The following CACNA1A variants were observed in gnomAD, a reference collection of about 807,000 sequenced individuals.
CACNA1A encodes the protein voltage-dependent P/Q-type calcium channel subunit alpha-1A.
In CACNA1A, 57 loss-of-function variants were observed where a neutral mutation model predicts 262.4. The ratio of observed to expected loss-of-function variants is 0.22; its 90% CI spans 0.18 to 0.27. The LOEUF is 0.27. CACNA1A is among the 10% of genes least tolerant of loss of function. The pLI, the probability that CACNA1A is intolerant of heterozygous loss-of-function variation, is 1.00. For missense variants in CACNA1A, 2,526 were observed against 3,562.8 expected, an observed-to-expected ratio of 0.71 and a Z score of 7.41; for synonymous variants, 1,431 against 1,419.3, an observed-to-expected ratio of 1.01 and a Z score of -0.18.
chr19:13,302,799 ACTCT>A (rs1007040670), intron 17 of CACNA1A, among the ~76,000 whole-genome samples: 1 of 151,390 alleles, frequency 6.6e-6, no homozygotes, highest in Non-Finnish European at 1.5e-5. Flanking sequence ...GGGCCGGGAA[ACTCT>A]CTCTCCCTCC....
rs34228712 is a variant in CACNA1A, at chr19:13,439,406, CTTT to C, written c.539+13467_539+13469del. Among the ~76,000 whole-genome samples, 5 of 127,360 alleles carry C rather than the reference CTTT, an allele frequency of 3.9e-5. No homozygotes were observed. The East Asian group carries it at 6.8e-4, about 17-fold the overall frequency. 83.6% of individuals were successfully genotyped at this position (127,360 alleles called of 152,430 possible). The stretch of plus-strand genomic sequence containing the variant: ...TCTGGGTTCTGGGTTCTTCTTTTTT[CTTT>C]TTTTTTTTTTGACGGAGTCTCGTTC... On this transcript the variant is annotated intron_variant, in intron 3 of 46. Coordinates refer to ENST00000360228, the MANE Select transcript of CACNA1A (RefSeq NM_001127222.2).
intron 24 of CACNA1A, among the ~76,000 whole-genome samples, chr19:13,264,552 C>T (rs2056816951): frequency 6.6e-6 from 1 of 152,220 alleles, no homozygotes; most frequent in Non-Finnish European, 1.5e-5. Flanking sequence ...TTACCTTCAC[C>T]TTTGCATTCC....
intron 36 of CACNA1A, chr19:13,228,521 C>T (rs1161011328): frequency 4.7e-6 from 1 of 214,854 alleles, no homozygotes; most frequent in East Asian, 1.1e-4. Context: ...ATCGAGTCTA[C>T]ATGACTGCAT....
At position 13,381,694 on chromosome 19, in the gene CACNA1A, C is replaced by T. The variant is rs776472562; in HGVS notation, c.540-9915G>A. ...CGCTCTCCCCCTCACTCACTCTGTTCCAGCCACACCAATTCATCCGTGTTC... is the reference window on the plus strand; with the variant it reads ...CGCTCTCCCCCTCACTCACTCTGTTTCAGCCACACCAATTCATCCGTGTTC... On this transcript the variant is annotated intron_variant, in intron 3 of 46. Transcript: ENST00000360228. 2.0e-5 allele frequency among the ~76,000 whole-genome samples: 3 copies of T among 152,204 alleles called. No homozygotes were observed. In the South Asian group the frequency reaches 6.2e-4, roughly 32 times the overall value.
At chr19:13,276,202 C>T (rs577369038) in intron 23 of CACNA1A, among the ~76,000 whole-genome samples, 100 of 152,344 alleles carry the variant, frequency 6.6e-4, no homozygotes, top group African/African-American at 2.2e-3. Context: ...CTTTGGGATC[C>T]TCTTTGATGC....
intron 1 of CACNA1A, among the ~76,000 whole-genome samples, chr19:13,477,640 G>A (rs1263748907): frequency 6.6e-6 from 1 of 152,138 alleles, no homozygotes; most frequent in Non-Finnish European, 1.5e-5. Context: ...GTGTTCTAAG[G>A]GCTGGGGATG....
intron 3 of CACNA1A, among the ~76,000 whole-genome samples, chr19:13,448,658 A>G (rs973715828): frequency 1.3e-5 from 2 of 152,218 alleles, no homozygotes; most frequent in African/African-American, 2.4e-5. Context: ...GGGGCTGAGG[A>G]TGCACACAGT....
At chr19:13,490,612 AGAAAAGAAAG>A (rs1179500991) in intron 1 of CACNA1A, among the ~76,000 whole-genome samples, 1 of 151,650 alleles carries the variant, frequency 6.6e-6, no homozygotes, top group Non-Finnish European at 1.5e-5. Flanking sequence ...AAAAAACAAA[AGAAAAGAAAG>A]GAAAAGAAAA....
intron 1 of CACNA1A, among the ~76,000 whole-genome samples, chr19:13,496,075 T>G (rs934132644): frequency 6.7e-6 from 1 of 148,194 alleles, no homozygotes; most frequent in African/African-American, 2.6e-5. Context: ...CATCCATCCA[T>G]CCATCCATCC....
At chr19:13,460,952 A>G (rs2061110654) in intron 1 of CACNA1A, among the ~76,000 whole-genome samples, 1 of 151,476 alleles carries the variant, frequency 6.6e-6, no homozygotes, top group Non-Finnish European at 1.5e-5. Context: ...GAGACTGCAC[A>G]CTCTATGCAC....
chr19:13,245,253 C>T lies in CACNA1A; in HGVS notation c.4879G>A (p.Asp1627Asn), dbSNP rs573209959. The T allele has an allele frequency of 9.9e-6, 16 of 1,613,770 alleles. No homozygotes were observed. Among genetic ancestry groups the T allele is most frequent in the Non-Finnish European group, 1.4e-5 (16 of 1,179,694 alleles). The part of the protein sequence containing the change: ...MAFGILNYFR[D>N]AWNIFDFVTV... ...ACAAAGTCGAAGATGTTCCAGGCAT[C>T]GCGGAAATAATTCTAGAATGGGGAC... is the stretch of plus-strand genomic sequence containing the variant. The change falls in exon 31 of 47, where the codon GAT becomes AAT. Residue 1627 changes from aspartate (D) to asparagine (N), a missense_variant. Around this residue, in one of 17 missense-constraint regions of CACNA1A, gnomAD observed 66 missense variants for 195.8 expected, o/e 0.34. Coordinates refer to ENST00000360228, the MANE Select transcript of CACNA1A (RefSeq NM_001127222.2).
intron 6 of CACNA1A, among the ~76,000 whole-genome samples, chr19:13,340,922 C>T (rs912704064): frequency 1.3e-5 from 2 of 152,086 alleles, no homozygotes; most frequent in Non-Finnish European, 2.9e-5. Context: ...AAGAGGACAT[C>T]TGGGCAGAGC....
chr19:13,348,404 A>G (rs2058833369), intron 6 of CACNA1A, among the ~76,000 whole-genome samples: 1 of 148,326 alleles, frequency 6.7e-6, no homozygotes, highest in Non-Finnish European at 1.5e-5. Flanking sequence ...AGAGAACACA[A>G]GAATAAAAGA....
In CACNA1A at chr19:13,455,693, G is replaced by C. The variant is rs1288871486; in HGVS notation, c.294-481C>G. Among the ~76,000 whole-genome samples, 3 of 151,974 alleles carry C rather than the reference G, an allele frequency of 2.0e-5. No homozygotes were observed. The East Asian group carries it at 5.8e-4, about 29-fold the overall frequency. ...GTGAAGACTATAGACAGTGGAAGGG[G>C]TCAGGGCTGCAATTTCAAATATGGT... On this transcript the variant is annotated intron_variant, in intron 1 of 46. Coordinates refer to ENST00000360228, the MANE Select transcript of CACNA1A (RefSeq NM_001127222.2).
intron 3 of CACNA1A, among the ~76,000 whole-genome samples, chr19:13,382,317 T>C (rs1201767622): frequency 1.3e-5 from 2 of 152,148 alleles, no homozygotes; most frequent in African/African-American, 2.4e-5. Flanking sequence ...TCTCATTGTG[T>C]GACCTTTCCC....
chr19:13,413,404 C>T (rs147857210), intron 3 of CACNA1A, among the ~76,000 whole-genome samples: 4,606 of 150,808 alleles, frequency 0.031, 206 homozygotes, highest in African/African-American at 0.1. Context: ...CCGTGCCCGG[C>T]CTACAAAAAG....
At chr19:13,350,682 T>C (rs2058890368) in intron 6 of CACNA1A, among the ~76,000 whole-genome samples, 1 of 151,522 alleles carries the variant, frequency 6.6e-6, no homozygotes, top group East Asian at 1.9e-4. Flanking sequence ...AAGAATCACA[T>C]CTCTTAAACG....
intron 2 of CACNA1A, among the ~76,000 whole-genome samples, chr19:13,454,471 A>C (rs553492368): frequency 2.0e-4 from 30 of 152,030 alleles, no homozygotes; most frequent in Non-Finnish European, 2.4e-4. Context: ...CCCGGGTTCA[A>C]GCGATTCTCC....
At chr19:13,246,255 C>T (rs2056231928) in intron 30 of CACNA1A, among the ~76,000 whole-genome samples, 1 of 152,148 alleles carries the variant, frequency 6.6e-6, no homozygotes. Context: ...CTGGACGGGG[C>T]TTTGGGGCCT....
Sources: gnomAD v4.1 joint callset for allele counts (sites outside exome capture counted in the v4.1 genomes callset) on GRCh38, gnomAD v4.1.1 for gene constraint, gnomAD v4.1.1 regional missense constraint, MANE v1.5 for transcripts, NCBI Gene and HGNC (gene_info 2026-07-23, HGNC 2026-07-21) for gene names.